Variants in PLXNA4 observed in about 807,000 individuals in gnomAD.
PLXNA4 encodes the protein plexin A4.
A neutral mutation model predicts 191.8 loss-of-function variants in PLXNA4; 44 were observed. The ratio of observed to expected loss-of-function variants is 0.23; its 90% CI spans 0.18 to 0.29. The LOEUF is 0.29. PLXNA4 is among the 10% of genes least tolerant of loss of function. The pLI, the probability that PLXNA4 is intolerant of heterozygous loss-of-function variation, is 1.00. For missense variants in PLXNA4, 1,800 were observed against 2,488.8 expected, an observed-to-expected ratio of 0.72 and a Z score of 5.89; for synonymous variants, 1,082 against 1,009.5, an observed-to-expected ratio of 1.07 and a Z score of -1.36.
intron 31 of PLXNA4, among the ~76,000 whole-genome samples, chr7:132,131,017 G>A (rs574931281): frequency 3.4e-4 from 52 of 152,072 alleles, no homozygotes; most frequent in Non-Finnish European, 5.1e-4. Flanking sequence ...CCTTCCTCCC[G>A]CAGAAATAAA....
intron 4 of PLXNA4, among the ~76,000 whole-genome samples, chr7:132,253,548 C>A (rs1799329335): frequency 6.6e-6 from 1 of 152,122 alleles, no homozygotes; most frequent in Non-Finnish European, 1.5e-5. Flanking sequence ...CCCAGCCCAA[C>A]TTTTCTTTAT....
intron 3 of PLXNA4, among the ~76,000 whole-genome samples, chr7:132,340,359 C>T (rs1018895096): frequency 6.6e-6 from 1 of 152,200 alleles, no homozygotes; most frequent in Admixed American, 6.5e-5. Context: ...GAGCAGAGGG[C>T]ACTGTTGCTA....
chr7:132,396,159 C>A (rs905073314), intron 3 of PLXNA4, among the ~76,000 whole-genome samples: 5 of 152,032 alleles, frequency 3.3e-5, no homozygotes, highest in African/African-American at 1.2e-4. Flanking sequence ...CTGGGATATC[C>A]CCACAATGGA....
intron 2 of PLXNA4, among the ~76,000 whole-genome samples, chr7:132,591,488 T>G (rs1802602797): frequency 6.6e-6 from 1 of 152,240 alleles, no homozygotes; most frequent in Non-Finnish European, 1.5e-5. Flanking sequence ...CTTCTATTTC[T>G]ATTTATTTTT....
chr7:132,591,707 C>G (rs970184975), intron 2 of PLXNA4, among the ~76,000 whole-genome samples: 1 of 152,118 alleles, frequency 6.6e-6, no homozygotes, highest in Non-Finnish European at 1.5e-5. Context: ...GGACTAGGAG[C>G]GTTTGGGTCC....
At chr7:132,572,900 C>T (rs1444005840) in intron 1 of PLXNA4, among the ~76,000 whole-genome samples, 2 of 152,176 alleles carry the variant, frequency 1.3e-5, no homozygotes, top group Non-Finnish European at 2.9e-5. Context: ...ATGTGCATCT[C>T]CCAAACAGCC....
chr7:132,607,936 G>A (rs375729719), intron 2 of PLXNA4, among the ~76,000 whole-genome samples: 43 of 18,792 alleles, frequency 2.3e-3, no homozygotes, highest in East Asian at 0.018. Flanking sequence ...CACCATCACC[G>A]CCATCATCCT....
At chr7:132,554,398 A>G (rs1370021242) in intron 1 of PLXNA4, among the ~76,000 whole-genome samples, 2 of 152,196 alleles carry the variant, frequency 1.3e-5, no homozygotes, top group East Asian at 1.9e-4. Flanking sequence ...CAGATGTCCC[A>G]TCACCTTCAA....
At chr7:132,427,351 A>G (rs1409891282) in intron 3 of PLXNA4, among the ~76,000 whole-genome samples, 2 of 152,174 alleles carry the variant, frequency 1.3e-5, no homozygotes, top group African/African-American at 2.4e-5. Flanking sequence ...GGGTGCCCCA[A>G]GTAGAAGACT....
At chr7:132,387,998 G>C (rs1805230205) in intron 3 of PLXNA4, among the ~76,000 whole-genome samples, 1 of 152,044 alleles carries the variant, frequency 6.6e-6, no homozygotes, top group African/African-American at 2.4e-5. Flanking sequence ...GCTTCTGTCT[G>C]GGACTGCAGG....
chr7:132,554,729 C>G (rs1233759531), intron 1 of PLXNA4, among the ~76,000 whole-genome samples: 1 of 152,098 alleles, frequency 6.6e-6, no homozygotes, highest in African/African-American at 2.4e-5. Flanking sequence ...TTCCAGGAAA[C>G]CAGGGCCTGG....
At chr7:132,628,242 C>A (rs1267463257) in intron 2 of PLXNA4, among the ~76,000 whole-genome samples, 1 of 152,200 alleles carries the variant, frequency 6.6e-6, no homozygotes, top group African/African-American at 2.4e-5. Context: ...TGTCAGAATT[C>A]TGAAGACATG....
chr7:132,187,449 A>C (rs770168458), intron 15 of PLXNA4, 22 bp downstream of exon 15: 1 of 1,607,674 alleles, frequency 6.2e-7, no homozygotes, highest in South Asian at 1.1e-5. Context: ...CTGGTGCTGC[A>C]GAAAGGGGCC....
In PLXNA4 at chr7:132,371,980, C is replaced by G. The variant is rs532643047; in HGVS notation, c.1372-73758G>C. On this transcript the variant is annotated intron_variant, in intron 3 of 31. Coordinates refer to ENST00000321063, the MANE Select transcript of PLXNA4 (RefSeq NM_020911.2). ...GACATGATCTTTTGATTATCTGTGC[C>G]ACTACTCTGATTAATGATTGTTGGC... is the stretch of plus-strand genomic sequence containing the variant. Among the ~76,000 whole-genome samples, 8 of 152,330 alleles carry G rather than the reference C, an allele frequency of 5.3e-5. No homozygotes were observed. The South Asian group carries it at 1.7e-3, about 32-fold the overall frequency.
At chr7:132,517,263 A>T (rs1003929583) in intron 1 of PLXNA4, among the ~76,000 whole-genome samples, 2 of 152,168 alleles carry the variant, frequency 1.3e-5, no homozygotes, top group Admixed American at 1.3e-4. Flanking sequence ...CCATTTCCAC[A>T]TGGTATCCAG....
intron 3 of PLXNA4, among the ~76,000 whole-genome samples, chr7:132,321,884 T>G (rs1255195968): frequency 6.6e-6 from 1 of 151,962 alleles, no homozygotes; most frequent in Non-Finnish European, 1.5e-5. Context: ...GGAGGGGGCA[T>G]AGGAAGTCCT....
intron 4 of PLXNA4, among the ~76,000 whole-genome samples, chr7:132,292,461 T>C (rs1395565051): frequency 6.6e-6 from 1 of 152,194 alleles, no homozygotes; most frequent in East Asian, 1.9e-4. Flanking sequence ...ATCAAAGTTA[T>C]CTGGTTCTTA....
chr7:132,573,457 A>C (rs1802070261), intron 1 of PLXNA4, among the ~76,000 whole-genome samples: 1 of 152,182 alleles, frequency 6.6e-6, no homozygotes, highest in African/African-American at 2.4e-5. Context: ...CTATGAATCA[A>C]GAGTGGTTAA....
chr7:132,191,495 C>G (rs1797085182), intron 14 of PLXNA4, among the ~76,000 whole-genome samples: 1 of 151,972 alleles, frequency 6.6e-6, no homozygotes, highest in African/African-American at 2.4e-5. Context: ...AGGGGCCTGA[C>G]TGGGGAAGCA....
Sources: gnomAD v4.1 joint callset for allele counts (sites outside exome capture counted in the v4.1 genomes callset) on GRCh38, gnomAD v4.1.1 for gene constraint, MANE v1.5 for transcripts, NCBI Gene and HGNC (gene_info 2026-07-23, HGNC 2026-07-21) for gene names.